The following OTUD7A variants were observed in gnomAD, a reference collection of about 807,000 sequenced individuals.
The protein encoded by OTUD7A is OTU deubiquitinase 7A, also known as OTU domain-containing protein 7A.
A neutral mutation model predicts 65.7 loss-of-function variants in OTUD7A; 12 were observed. The observed-to-expected ratio is 0.18, with a 90% CI of 0.12 to 0.30. The LOEUF (loss-of-function observed/expected upper bound fraction) is 0.30, where lower values mean the gene tolerates loss of function less well. Ranked by LOEUF, OTUD7A falls within the 10% of genes least tolerant of loss-of-function variation. The pLI is 1.00. For missense variants in OTUD7A, 1,148 were observed against 1,304.8 expected (o/e 0.88, Z 1.85); for synonymous variants, 641 against 586.3 (o/e 1.09, Z -1.35).
rs1391027518 is a variant in OTUD7A at position 31,487,295 on chromosome 15, AT to A, written c.1287-18del. ...AGGATAAGGCTGGCAAGAGAAGAAT[AT>A]CCTATTGAAATGGTCTGAGCTGGCC... On this transcript the variant is annotated intron_variant, in intron 11 of 12. Coordinates refer to ENST00000307050, the MANE Select transcript of OTUD7A (RefSeq NM_001382637.1). The surrounding 1 kb of genome is among the most constrained non-coding windows in gnomAD (Gnocchi z 6.0). 2 of 1,613,220 alleles carry A rather than the reference AT, an allele frequency of 1.2e-6. No individual in the cohort carries two copies. Among genetic ancestry groups the A allele is most frequent in the Non-Finnish European group, 1.7e-6 (2 of 1,179,284 alleles).
chr15:31,659,857 T>A (rs1207226650), intron 1 of OTUD7A, among the ~76,000 whole-genome samples: 1 of 152,354 alleles, frequency 6.6e-6, no homozygotes, highest in East Asian at 1.9e-4. Flanking sequence ...GAGGGGTGGA[T>A]GAACAGATCT....
At chr15:31,723,402 C>A (rs77272973) in intron 1 of OTUD7A, among the ~76,000 whole-genome samples, 4,828 of 120,540 alleles carry the variant, frequency 0.04, 274 homozygotes, top group Middle Eastern at 0.075. Flanking sequence ...CCACCCCCCC[C>A]CCCCCGCCCC....
At chr15:31,768,179 G>A in intron 1 of OTUD7A, 3 of 1,392,190 alleles carry the variant, frequency 2.2e-6, no homozygotes, top group Non-Finnish European at 3.1e-6. Context: ...ATAAGGCCCG[G>A]GAGGCACAAC....
At chr15:31,549,717 G>C (rs1888257167) in intron 5 of OTUD7A, among the ~76,000 whole-genome samples, 1 of 152,040 alleles carries the variant, frequency 6.6e-6, no homozygotes, top group Non-Finnish European at 1.5e-5. Context: ...AGAGAGGAGA[G>C]ATTCTCTGGC....
intron 10 of OTUD7A, among the ~76,000 whole-genome samples, chr15:31,499,680 G>A (rs2041435871): frequency 6.6e-6 from 1 of 152,244 alleles, no homozygotes; most frequent in Non-Finnish European, 1.5e-5. Context: ...TGGGTCGTGG[G>A]GACCTTATGG....
At chr15:31,633,150 C>T (rs1891232203) in intron 3 of OTUD7A, among the ~76,000 whole-genome samples, 1 of 152,186 alleles carries the variant, frequency 6.6e-6, no homozygotes, top group Admixed American at 6.5e-5. Context: ...CTGTGTGGCA[C>T]TCCCTAGTGA....
intron 10 of OTUD7A, among the ~76,000 whole-genome samples, chr15:31,499,962 G>A (rs1242630836): frequency 6.6e-6 from 1 of 152,188 alleles, no homozygotes; most frequent in East Asian, 1.9e-4. Context: ...TATGTGCCTT[G>A]AAAACACCAA....
At chr15:31,721,871 C>G (rs1239668220) in intron 1 of OTUD7A, among the ~76,000 whole-genome samples, 1 of 152,252 alleles carries the variant, frequency 6.6e-6, no homozygotes, top group Admixed American at 6.5e-5. Flanking sequence ...GCATCGGACC[C>G]AGGCTCCTAG....
At chr15:31,792,862 C>A (rs537937410) in intron 1 of OTUD7A, among the ~76,000 whole-genome samples, 3 of 152,178 alleles carry the variant, frequency 2.0e-5, no homozygotes, top group African/African-American at 7.2e-5. Context: ...TCTGTGCAGA[C>A]CCCAGGGTGG....
chr15:31,827,346 T>G (rs917225247), intron 1 of OTUD7A, among the ~76,000 whole-genome samples: 3 of 152,200 alleles, frequency 2.0e-5, no homozygotes, highest in Non-Finnish European at 4.4e-5. Flanking sequence ...GCAGAAACCC[T>G]GGATAAACCC....
intron 10 of OTUD7A, 80 bp downstream of exon 10, chr15:31,501,609 TC>T: frequency 6.4e-7 from 1 of 1,568,148 alleles, no homozygotes; most frequent in Non-Finnish European, 8.7e-7. Context: ...ACAATCCACC[TC>T]CCCGTGCAAT....
At chr15:31,826,357 C>A (rs1047244804) in intron 1 of OTUD7A, among the ~76,000 whole-genome samples, 2 of 152,264 alleles carry the variant, frequency 1.3e-5, no homozygotes, top group Non-Finnish European at 2.9e-5. Flanking sequence ...AAGCTTGGGG[C>A]TTGCACCATC....
chr15:31,584,867 A>C (rs1227581766), intron 3 of OTUD7A, among the ~76,000 whole-genome samples: 1 of 152,140 alleles, frequency 6.6e-6, no homozygotes, highest in Non-Finnish European at 1.5e-5. Flanking sequence ...TATCTAGTGG[A>C]GTATAGAAAT....
chr15:31,710,839 C>T (rs562092615), intron 1 of OTUD7A, among the ~76,000 whole-genome samples: 7 of 152,262 alleles, frequency 4.6e-5, no homozygotes, highest in Non-Finnish European at 1.0e-4. Flanking sequence ...CCTGCAATAG[C>T]CAAGCATCTG....
chr15:31,548,064 G>A (rs1888189755), intron 5 of OTUD7A, among the ~76,000 whole-genome samples: 1 of 132,930 alleles, frequency 7.5e-6, no homozygotes, highest in African/African-American at 2.5e-5. Context: ...TCTTCTGTAC[G>A]TACCATATAC....
rs111827728 is a variant in OTUD7A at position 31,658,544 on chromosome 15, GC to G, written c.-99-1468del. Among the ~76,000 whole-genome samples the G allele has an allele frequency of 9.8e-3, 1,492 of 152,182 alleles. 35 individuals are homozygous for G. The highest frequency in any genetic ancestry group is 0.035 in the African/African-American group (1,433 of 41,500). ...TGCAGGGACTCTGTGGGAACTATGAGCCCCCTGAGCCTTCCCAGGATCTCCC... is the reference window on the plus strand; with the variant it reads ...TGCAGGGACTCTGTGGGAACTATGAGCCCCTGAGCCTTCCCAGGATCTCCC... On this transcript the variant is annotated intron_variant, in intron 1 of 12. Coordinates refer to ENST00000307050, the MANE Select transcript of OTUD7A (RefSeq NM_001382637.1).
rs185358034 is a variant in OTUD7A, at chr15:31,636,438, C to G, written c.151+18658G>C. ...AACGTTGTGTGTGTTCTGACTGCTC[C>G]ACTGACCAGTGATTCTCCTGTCTCC... On this transcript the variant is annotated intron_variant, in intron 3 of 12. Coordinates refer to ENST00000307050, the MANE Select transcript of OTUD7A (RefSeq NM_001382637.1). 1.3e-3 allele frequency among the ~76,000 whole-genome samples: 198 copies of G among 152,322 alleles called. 2 individuals carry two copies. Among genetic ancestry groups the G allele is most frequent in the African/African-American group, 4.7e-3 (194 of 41,578 alleles).
chr15:31,744,169 G>A (rs1894415114), intron 1 of OTUD7A, among the ~76,000 whole-genome samples: 1 of 152,058 alleles, frequency 6.6e-6, no homozygotes, highest in African/African-American at 2.4e-5. Flanking sequence ...TGACTTCACT[G>A]GTGAATTCTA....
intron 1 of OTUD7A, among the ~76,000 whole-genome samples, chr15:31,860,393 A>C (rs540152798): frequency 6.6e-6 from 1 of 151,924 alleles, no homozygotes; most frequent in Non-Finnish European, 1.5e-5. Context: ...TTCGAGAAAA[A>C]ATGATTAAAT....
Sources: gnomAD v4.1 joint callset for allele counts (sites outside exome capture counted in the v4.1 genomes callset) on GRCh38, gnomAD v4.1.1 for gene constraint, Gnocchi (gnomAD v3.1) non-coding constraint, MANE v1.5 for transcripts, NCBI Gene and HGNC (gene_info 2026-07-23, HGNC 2026-07-21) for gene names.